The following SATL1 variants were observed in gnomAD, a reference collection of about 807,000 sequenced individuals.
SATL1 encodes spermidine/spermine N1-acetyl transferase like 1.
A neutral mutation model predicts 51.8 loss-of-function variants in SATL1; 47 were observed. The observed-to-expected ratio is 0.91, with a 90% CI of 0.72 to 1.16. SATL1 has a LOEUF of 1.16. Among genes scored for constraint, SATL1 ranks in the 50% most tolerant of loss-of-function variants. The pLI, the probability that SATL1 is intolerant of heterozygous loss-of-function variation, is 0.00. For synonymous variants in SATL1, 176 were observed against 182.4 expected (o/e 0.97, Z 0.28); for missense variants, 520 against 526.4 (o/e 0.99, Z 0.12).
intron 2 of SATL1, among the ~76,000 whole-genome samples, chrX:85,206,004 C>A (rs1292138426): frequency 9.0e-6 from 1 of 111,442 alleles, no homozygotes; most frequent in Non-Finnish European, 1.9e-5. Context: ...CAAGCATGAC[C>A]ATAAATATTT....
intron 2 of SATL1, among the ~76,000 whole-genome samples, chrX:85,183,532 C>T (rs1022494825): frequency 1.8e-5 from 2 of 111,021 alleles, no homozygotes; most frequent in Non-Finnish European, 3.8e-5. Context: ...TCTTTTTGCT[C>T]AGAACTGCTT....
chrX:85,146,923 C>T (rs1439358316), intron 2 of SATL1, among the ~76,000 whole-genome samples: 1 of 112,594 alleles, frequency 8.9e-6, no homozygotes, highest in Non-Finnish European at 1.9e-5. Flanking sequence ...GCATTTCCAT[C>T]TGAGGTACCG....
Position 85,107,798 on chromosome X carries a change from C to T in SATL1, c.1171G>A (p.Gly391Arg), listed in dbSNP as rs750304766. ...ACTTGTCTCATGCTTGGTTGGCTCC[C>T]ACCTGACTGTCTCATGTCTAGTTGC... ...MWQLDMRQSGGSQPSMRQVGT... is the reference protein window; with the variant it reads ...MWQLDMRQSGRSQPSMRQVGT... The change falls in exon 3 of 8, where the codon GGG becomes AGG. Residue 391 changes from glycine (G) to arginine (R), a missense_variant. Gly to Arg is a moderately radical substitution (Grantham distance 125, BLOSUM62 -2). Coordinates refer to ENST00000644105, the MANE Select transcript of SATL1 (RefSeq NM_001367857.2). 4 of 1,208,091 alleles carry T rather than the reference C, an allele frequency of 3.3e-6. No homozygotes were observed. In the Admixed American group the frequency reaches 8.8e-5, roughly 27 times the overall value.
At chrX:85,092,607 A>G in intron 7 of SATL1, 46 bp from the exon 8 acceptor site, 5 of 1,087,541 alleles carry the variant, frequency 4.6e-6, no homozygotes, top group Non-Finnish European at 6.3e-6. Context: ...TTGAAAGTAT[A>G]ATCTTCGTTA....
chrX:85,197,199 C>A (rs777696577), intron 2 of SATL1, among the ~76,000 whole-genome samples: 2 of 111,294 alleles, frequency 1.8e-5, no homozygotes, highest in Non-Finnish European at 3.8e-5. Context: ...ATAGACATTT[C>A]TCTCATTTTA....
intron 2 of SATL1, among the ~76,000 whole-genome samples, chrX:85,147,063 T>G (rs141020372): frequency 0.013 from 1,490 of 112,763 alleles, 25 homozygotes; most frequent in African/African-American, 0.045. Flanking sequence ...TTCCCTTTCC[T>G]AGTCAAAGAA....
intron 2 of SATL1, among the ~76,000 whole-genome samples, chrX:85,115,163 T>C (rs1219887664): frequency 8.9e-6 from 1 of 112,023 alleles, no homozygotes; most frequent in African/African-American, 3.2e-5. Context: ...GGGTAAAGTT[T>C]ATTTGCCCTC....
intron 2 of SATL1, among the ~76,000 whole-genome samples, chrX:85,121,402 A>ATGTATG (rs1925503794): frequency 9.6e-6 from 1 of 104,184 alleles, no homozygotes; most frequent in African/African-American, 3.4e-5. Flanking sequence ...ATATAAATAT[A>ATGTATG]TATATTTCTT....
intron 2 of SATL1, among the ~76,000 whole-genome samples, chrX:85,114,503 C>T (rs1490190577): frequency 9.0e-6 from 1 of 111,532 alleles, no homozygotes; most frequent in Non-Finnish European, 1.9e-5. Context: ...CGTTAAAGTT[C>T]TATAGCTGAT....
At chrX:85,144,797 C>A (rs189318913) in intron 2 of SATL1, among the ~76,000 whole-genome samples, 1 of 111,437 alleles carries the variant, frequency 9.0e-6, no homozygotes, top group Non-Finnish European at 1.9e-5. Flanking sequence ...GAGGCTGAGA[C>A]GGCTGGGTCT....
intron 4 of SATL1, among the ~76,000 whole-genome samples, chrX:85,095,825 C>CAAAAAA (rs144271899): frequency 6.1e-5 from 2 of 32,729 alleles, no homozygotes; most frequent in East Asian, 1.3e-3. Flanking sequence ...GACTCCGTCT[C>CAAAAAA]AAAAAAAAAA....
intron 2 of SATL1, among the ~76,000 whole-genome samples, chrX:85,218,706 A>T: frequency 8.9e-6 from 1 of 111,888 alleles, no homozygotes; most frequent in Admixed American, 9.5e-5. Context: ...ATACTAGAGT[A>T]TGGACCTTGG....
chrX:85,204,367 G>A (rs1244461126), intron 2 of SATL1, among the ~76,000 whole-genome samples: 7 of 111,973 alleles, frequency 6.3e-5, no homozygotes, highest in South Asian at 3.8e-4. Flanking sequence ...TGATAGCCAC[G>A]CACACTAGCT....
chrX:85,160,430 A>G (rs1926692146), intron 2 of SATL1, among the ~76,000 whole-genome samples: 1 of 110,882 alleles, frequency 9.0e-6, no homozygotes, highest in Non-Finnish European at 1.9e-5. Flanking sequence ...AAGAAAACTA[A>G]GGATCACAGT....
intron 2 of SATL1, among the ~76,000 whole-genome samples, chrX:85,135,684 C>G (rs1054744711): frequency 9.8e-6 from 1 of 102,228 alleles, no homozygotes; most frequent in Non-Finnish European, 2.0e-5. Flanking sequence ...CGATCCTCCC[C>G]CCTCAACCCC....
intron 2 of SATL1, among the ~76,000 whole-genome samples, chrX:85,172,170 A>T (rs1178827163): frequency 9.0e-6 from 1 of 111,352 alleles, no homozygotes; most frequent in Admixed American, 9.6e-5. Context: ...TTTTACTGGG[A>T]GAAAAAGGCA....
At chrX:85,156,393 T>TGATCAAGG (rs1926587619) in intron 2 of SATL1, 2 of 111,303 alleles carry the variant, frequency 1.8e-5, no homozygotes, top group Non-Finnish European at 3.8e-5. Flanking sequence ...ATATGAGGCC[T>TGATCAAGG]CCTCAACCTG....
chrX:85,234,880 T>A (rs1164976850), intron 1 of SATL1, among the ~76,000 whole-genome samples: 4 of 110,370 alleles, frequency 3.6e-5, no homozygotes, highest in Non-Finnish European at 7.6e-5. Flanking sequence ...ACACTGAATG[T>A]AAATGGACTT....
In SATL1 at chrX:85,108,010, C is replaced by T. The variant is rs111389700; in HGVS notation, c.959G>A (p.Gly320Asp). The T allele has an allele frequency of 2.4e-3, 2,953 of 1,209,004 alleles. 49 individuals carry two copies. The African/African-American group carries it at 0.042, about 17-fold the overall frequency. The change falls in exon 3 of 8, where the codon GGC becomes GAC. Residue 320 changes from glycine (G) to aspartate (D), a missense_variant. Coordinates refer to ENST00000644105, the MANE Select transcript of SATL1 (RefSeq NM_001367857.2). ...TTGGCTCCTACCTAATTGCCATGTG[C>T]CTGGTTGTTTCATGCCAGGTTGGTT... ...DINQPGMKQPGTWQLGRSQPG... is the reference protein window; with the variant it reads ...DINQPGMKQPDTWQLGRSQPG...
Sources: gnomAD v4.1 joint callset for allele counts (sites outside exome capture counted in the v4.1 genomes callset) on GRCh38, gnomAD v4.1.1 for gene constraint, MANE v1.5 for transcripts, NCBI Gene and HGNC (gene_info 2026-07-23, HGNC 2026-07-21) for gene names.